Variants in CEP104 observed in about 807,000 individuals in gnomAD.
CEP104 encodes centrosomal protein of 104 kDa.
A neutral mutation model predicts 113.3 loss-of-function variants in CEP104; 84 were observed. The ratio of observed to expected loss-of-function variants is 0.74; its 90% CI spans 0.62 to 0.89. CEP104 has a LOEUF of 0.89. Among genes scored for constraint, CEP104 ranks in the 40% least tolerant of loss-of-function variants. The pLI, the probability that CEP104 is intolerant of heterozygous loss-of-function variation, is 0.00. For synonymous variants in CEP104, 378 were observed against 421.7 expected (o/e 0.90, Z 1.27); for missense variants, 1,053 against 1,156.6 (o/e 0.91, Z 1.30).
rs112071309 is a variant in CEP104, at chr1:3,819,925, G to A, written c.2571+3249C>T. Among the ~76,000 whole-genome samples, 1 of 152,146 alleles carries A rather than the reference G, an allele frequency of 6.6e-6. No homozygotes were observed. The highest frequency in any genetic ancestry group is 1.5e-5 in the Non-Finnish European group (1 of 68,010). ...TCTAGGAGTTGAGTGGCTCCGGGTT[G>A]ACAGCCCCCAAGAACATATTACTGC... On this transcript the variant is annotated intron_variant, in intron 20 of 21. Coordinates refer to ENST00000378230, the MANE Select transcript of CEP104 (RefSeq NM_014704.4). This position sits in a 1 kb window ranked among gnomAD's most constrained non-coding sequence, Gnocchi z 4.6.
At chr1:3,829,155 G>C (rs11586111) in intron 15 of CEP104, 111 bp downstream of exon 15, 1 of 740,880 alleles carries the variant, frequency 1.3e-6, no homozygotes, top group Non-Finnish European at 2.1e-6. Context: ...AAGGAATCAA[G>C]ACGCTCATTT....
chr1:3,850,482 T>C (rs1570853137), intron 2 of CEP104, among the ~76,000 whole-genome samples: 1 of 152,222 alleles, frequency 6.6e-6, no homozygotes, highest in Non-Finnish European at 1.5e-5. Flanking sequence ...TCAGGCTCTC[T>C]GAATTCTGAG....
intron 2 of CEP104, among the ~76,000 whole-genome samples, chr1:3,851,213 T>A (rs1644605291): frequency 6.6e-6 from 1 of 152,022 alleles, no homozygotes; most frequent in Non-Finnish European, 1.5e-5. Context: ...CCCCTTCTGC[T>A]TGACTCTTGC....
At chr1:3,816,513 G>A in intron 20 of CEP104, 143 bp from the exon 21 acceptor site, 1 of 615,874 alleles carries the variant, frequency 1.6e-6, no homozygotes, top group South Asian at 2.0e-5. Context: ...TCCCTCACCT[G>A]GGCACCTCCC....
Position 3,836,476 on chromosome 1 carries a change from T to TTTG in CEP104, c.1317+18_1317+19insCAA, listed in dbSNP as rs1478038656. ...CTCCCCTCTGCCACCCCGTTTTTTTTTTTTTTTTTTTTTTTTACCAAGGTT... is the reference window on the plus strand; with the variant it reads ...CTCCCCTCTGCCACCCCGTTTTTTTTTTGTTTTTTTTTTTTTTTTACCAAGGTT... On this transcript the variant is annotated intron_variant, in intron 10 of 21. Coordinates refer to ENST00000378230, the MANE Select transcript of CEP104 (RefSeq NM_014704.4). 1.7e-5 allele frequency: 24 copies of TTTG among 1,443,894 alleles called. No individual in the cohort carries two copies. Among genetic ancestry groups the TTTG allele is most frequent in the Non-Finnish European group, 2.0e-5 (22 of 1,100,576 alleles). 89.4% of individuals were successfully genotyped at this position (1,443,894 alleles called of 1,614,324 possible). A position where few individuals can be genotyped will look rare whatever the true frequency, so the allele number is the denominator to read the frequency against.
chr1:3,826,587 G>A lies in CEP104; in HGVS notation c.2188+121C>T, dbSNP rs4648345. On this transcript the variant is annotated intron_variant, in intron 16 of 21. Transcript: ENST00000378230. ...GGGAGATGGCTGAGGTGCAGCAGGC[G>A]TGCAGTGATACTTGCTGAATGGACA... 160,465 of 1,293,366 alleles carry A rather than the reference G, an allele frequency of 0.12. 10,777 individuals carry two copies. Among genetic ancestry groups the A allele is most frequent in the Middle Eastern group, 0.15 (782 of 5,392 alleles). The allele number at this position is 1,293,366 out of a possible 1,614,324, so 80.1% of individuals were successfully genotyped here.
chr1:3,853,461 C>A (rs763709937), intron 1 of CEP104, among the ~76,000 whole-genome samples: 1 of 151,944 alleles, frequency 6.6e-6, no homozygotes, highest in Non-Finnish European at 1.5e-5. Flanking sequence ...TCAGAAAGTT[C>A]TCTGGGATAA....
chr1:3,845,393 T>G (rs772781628), intron 4 of CEP104, 42 bp from the exon 5 acceptor site: 13 of 1,364,074 alleles, frequency 9.5e-6, no homozygotes, highest in Non-Finnish European at 1.4e-5. Flanking sequence ...ATACAATGTT[T>G]GAAATGACTT....
chr1:3,826,823 A>G (rs927975693), intron 15 of CEP104, 79 bp from the exon 16 acceptor site: 1 of 1,429,210 alleles, frequency 7.0e-7, no homozygotes, highest in South Asian at 1.2e-5. Context: ...ATATGTTTTC[A>G]TCACGAAAGC....
intron 4 of CEP104, among the ~76,000 whole-genome samples, chr1:3,846,723 C>T (rs1644515090): frequency 6.6e-6 from 1 of 152,194 alleles, no homozygotes; most frequent in Non-Finnish European, 1.5e-5. Flanking sequence ...GACCTTTGCG[C>T]TCTTGTCCAG....
At chr1:3,832,238 CGTAACCAGGAGTGTATT>C (rs70940328) in intron 12 of CEP104, among the ~76,000 whole-genome samples, 94,850 of 141,562 alleles carry the variant, frequency 0.67, 33,115 homozygotes, top group Middle Eastern at 0.72. Flanking sequence ...CACATTAGGT[CGTAACCAGGAGTGTATT>C]GTAACCAGGA....
chr1:3,846,590 C>G (rs1174293031), intron 4 of CEP104, among the ~76,000 whole-genome samples: 1 of 151,892 alleles, frequency 6.6e-6, no homozygotes, highest in Non-Finnish European at 1.5e-5. Flanking sequence ...TAAAGAAAAC[C>G]AAGACAACAG....
At chr1:3,818,469 AGT>A (rs1206711792) in intron 20 of CEP104, among the ~76,000 whole-genome samples, 2 of 152,206 alleles carry the variant, frequency 1.3e-5, no homozygotes, top group Admixed American at 6.5e-5. Context: ...GTCTGCCTGC[AGT>A]GTGTGTCCAG....
At position 3,846,721 on chromosome 1, in the gene CEP104, C is replaced by T. The variant is rs556031533; in HGVS notation, c.426+754G>A. On this transcript the variant is annotated intron_variant, in intron 4 of 21. Coordinates refer to ENST00000378230, the MANE Select transcript of CEP104 (RefSeq NM_014704.4). ...GCCAGGCAGCTTAATTGGACCTTTGCGCTCTTGTCCAGCTCACCCGCTTGG... is the reference window on the plus strand; with the variant it reads ...GCCAGGCAGCTTAATTGGACCTTTGTGCTCTTGTCCAGCTCACCCGCTTGG... Among the ~76,000 whole-genome samples the T allele has an allele frequency of 9.9e-5, 15 of 152,256 alleles. No individual in the cohort carries two copies. In the South Asian group the frequency reaches 2.1e-3, roughly 21 times the overall value.
At chr1:3,836,390 G>T in intron 10 of CEP104, 105 bp downstream of exon 10, 2 of 1,148,854 alleles carry the variant, frequency 1.7e-6, no homozygotes, top group Non-Finnish European at 2.4e-6. Flanking sequence ...ATGCAAAGCC[G>T]TGGGCGTTTT....
At chr1:3,850,991 G>A (rs373873613) in intron 2 of CEP104, among the ~76,000 whole-genome samples, 1 of 152,226 alleles carries the variant, frequency 6.6e-6, no homozygotes, top group South Asian at 2.1e-4. Context: ...TCCTGCCTGG[G>A]AGAGGCATGA....
rs1053604661 is a variant in CEP104 at position 3,815,374 on chromosome 1, A to C, written c.*28T>G. The C allele has an allele frequency of 3.9e-6, 6 of 1,523,276 alleles. No homozygotes were observed. Among genetic ancestry groups the C allele is most frequent in the Non-Finnish European group, 5.4e-6 (6 of 1,111,798 alleles). The allele number at this position is 1,523,276 out of a possible 1,614,324, so 94.4% of individuals were successfully genotyped here. A position where few individuals can be genotyped will look rare whatever the true frequency, so the allele number is the denominator to read the frequency against. On this transcript the variant is annotated 3_prime_UTR_variant, in exon 22 of 22. Transcript: ENST00000378230. ...AATCAGGAGACCCGCTCCATCCCTCACAGAGACCAAGGAGCCCGAGCGCCG... is the reference window on the plus strand; with the variant it reads ...AATCAGGAGACCCGCTCCATCCCTCCCAGAGACCAAGGAGCCCGAGCGCCG...
At chr1:3,836,238 G>A (rs375186338) in intron 10 of CEP104, among the ~76,000 whole-genome samples, 1 of 151,850 alleles carries the variant, frequency 6.6e-6, no homozygotes, top group Non-Finnish European at 1.5e-5. Context: ...GCCAGGAGGC[G>A]GAGCTTGCAG....
At position 3,816,653 on chromosome 1, in the gene CEP104, C is replaced by A. The variant is rs79287741; in HGVS notation, c.2572-283G>T. Among the ~76,000 whole-genome samples, 3,285 of 152,376 alleles carry A rather than the reference C, an allele frequency of 0.022. 75 individuals are homozygous for A. Among genetic ancestry groups the A allele is most frequent in the East Asian group, 0.1 (528 of 5,178 alleles). ...CACAGGGCCCTTGGTGTCAGTGACT[C>A]TGAGCACAGCAGAGCGTGCACGCAA... On this transcript the variant is annotated intron_variant, in intron 20 of 21. Coordinates refer to ENST00000378230, the MANE Select transcript of CEP104 (RefSeq NM_014704.4).
Sources: allele counts gnomAD v4.1 joint callset (sites outside exome capture counted in the v4.1 genomes callset), GRCh38; gene constraint gnomAD v4.1.1; non-coding constraint Gnocchi (gnomAD v3.1); transcripts MANE v1.5; gene names NCBI Gene and HGNC (gene_info 2026-07-23, HGNC 2026-07-21).